TFCP2L1: variants seen among roughly 807,000 people sequenced by gnomAD.
TFCP2L1 encodes transcription factor CP2 like 1, also known as transcription factor CP2-like protein 1.
A neutral mutation model predicts 72.2 loss-of-function variants in TFCP2L1; 12 were observed. The observed-to-expected ratio is 0.17, with a 90% confidence interval of 0.11 to 0.27. The LOEUF (loss-of-function observed/expected upper bound fraction) is 0.27, where lower values mean the gene tolerates loss of function less well. Among genes scored for constraint, TFCP2L1 ranks in the 10% least tolerant of loss-of-function variants. The probability of loss-of-function intolerance (pLI) is 1.00; values close to 1 mark genes in which losing one functional copy is unlikely to be tolerated. For missense variants in TFCP2L1, 488 were observed against 624.6 expected, an observed-to-expected ratio of 0.78 and a Z score of 2.33; for synonymous variants, 260 against 251.0, an observed-to-expected ratio of 1.04 and a Z score of -0.34.
chr2:121,276,788 G>T (rs1001652168), intron 2 of TFCP2L1, among the ~76,000 whole-genome samples: 2 of 152,042 alleles, frequency 1.3e-5, no homozygotes, highest in Non-Finnish European at 2.9e-5. Context: ...TTCAGTAAGT[G>T]TTAAAATTTA....
rs567590544 is a variant in TFCP2L1 at position 121,226,073 on chromosome 2, C to T, written c.1342-460G>A. ...ACCACTGCCACGGTGTCTACACACA[C>T]GGGAACACGGTAAACACCACTGCCA... On this transcript the variant is annotated intron_variant, in intron 13 of 14. Coordinates refer to ENST00000263707, the MANE Select transcript of TFCP2L1 (RefSeq NM_014553.3). 2.8e-5 allele frequency among the ~76,000 whole-genome samples: 4 copies of T among 145,078 alleles called. No individual in the cohort carries two copies. In the East Asian group the frequency reaches 6.1e-4, roughly 22 times the overall value.
chr2:121,280,313 G>C (rs920597630), intron 2 of TFCP2L1, among the ~76,000 whole-genome samples: 1 of 152,168 alleles, frequency 6.6e-6, no homozygotes, highest in African/African-American at 2.4e-5. Context: ...TCACCACAGA[G>C]GACTTTTGTC....
Position 121,224,054 on chromosome 2 carries a change from T to C in TFCP2L1, c.*287A>G. On this transcript the variant is annotated 3_prime_UTR_variant, in exon 15 of 15. Transcript: ENST00000263707. Reference sequence around the variant, plus strand: ...GGGATTTCAGAGCAGACGTCTCCACTGTTTGCCCTTTTAGAACGTCAGGGT... The same window carrying C: ...GGGATTTCAGAGCAGACGTCTCCACCGTTTGCCCTTTTAGAACGTCAGGGT... The C allele has an allele frequency of 2.0e-6, 1 of 490,104 alleles. No individual in the cohort carries two copies. The highest frequency in any genetic ancestry group is 3.7e-6 in the Non-Finnish European group (1 of 272,648). 30.4% of individuals were successfully genotyped at this position (490,104 alleles called of 1,614,324 possible). A position where few individuals can be genotyped will look rare whatever the true frequency, so the allele number is the denominator to read the frequency against.
rs2104648051 is a variant in TFCP2L1, at chr2:121,222,069, C to T, written c.*2272G>A. ...AGGAAAAGACACTCAGCATCAGTTG[C>T]CATCAGGGGAATGCAAATCAAAACC... On this transcript the variant is annotated 3_prime_UTR_variant, in exon 15 of 15. Coordinates refer to ENST00000263707, the MANE Select transcript of TFCP2L1 (RefSeq NM_014553.3). 6.6e-6 allele frequency: 1 copy of T among 152,284 alleles called. No individual in the cohort carries two copies. Among genetic ancestry groups the T allele is most frequent in the Admixed American group, 6.5e-5 (1 of 15,302 alleles). 9.4% of individuals were successfully genotyped at this position (152,284 alleles called of 1,614,324 possible).
intron 8 of TFCP2L1, 33 bp downstream of exon 8, chr2:121,239,525 C>T (rs1558731523): frequency 2.5e-6 from 4 of 1,610,822 alleles, no homozygotes; most frequent in Admixed American, 3.3e-5. Flanking sequence ...GCCTTCATTT[C>T]AGGGAACCCG....
chr2:121,252,693 A>AGATCCCCCAG (rs1396381485), intron 2 of TFCP2L1, among the ~76,000 whole-genome samples: 1 of 152,110 alleles, frequency 6.6e-6, no homozygotes, highest in Non-Finnish European at 1.5e-5. Context: ...AGTCTCCCCA[A>AGATCCCCCAG]GATCCCCCAG....
chr2:121,274,166 T>A (rs1052389233), intron 2 of TFCP2L1, among the ~76,000 whole-genome samples: 3 of 151,938 alleles, frequency 2.0e-5, no homozygotes, highest in Non-Finnish European at 4.4e-5. Context: ...AATAAGCTAC[T>A]TAAATGAGGT....
At chr2:121,264,790 AC>A (rs1157989959) in intron 2 of TFCP2L1, among the ~76,000 whole-genome samples, 3 of 152,204 alleles carry the variant, frequency 2.0e-5, no homozygotes, top group Non-Finnish European at 2.9e-5. Flanking sequence ...CCAGTCTGTT[AC>A]CCATACCCTC....
chr2:121,256,238 C>T (rs112397220), intron 2 of TFCP2L1, among the ~76,000 whole-genome samples: 146 of 152,260 alleles, frequency 9.6e-4, no homozygotes, highest in Non-Finnish European at 1.9e-3. Context: ...TACACTAGTC[C>T]CCCTGAAACA....
At chr2:121,225,296 C>A (rs1686006549) in intron 14 of TFCP2L1, among the ~76,000 whole-genome samples, 1 of 152,156 alleles carries the variant, frequency 6.6e-6, no homozygotes, top group Non-Finnish European at 1.5e-5. Flanking sequence ...TCCCGGAGGA[C>A]CCCAGGAAAC....
At chr2:121,227,720 T>TACACACACACACAC (rs144192362) in intron 13 of TFCP2L1, among the ~76,000 whole-genome samples, 4,483 of 147,300 alleles carry the variant, frequency 0.03, 89 homozygotes, top group Middle Eastern at 0.055. Flanking sequence ...AAACATACAA[T>TACACACACACACAC]ACACACACAC....
In TFCP2L1 at chr2:121,285,121, C is replaced by T; in HGVS notation, c.-12G>A. On this transcript the variant is annotated 5_prime_UTR_variant, in exon 1 of 15. Coordinates refer to ENST00000263707, the MANE Select transcript of TFCP2L1 (RefSeq NM_014553.3). ...TGCCAGAAGAGCATGGCTGGAACTC[C>T]CAGCGCGCCGACCGGGGCGCGGCAG... 6.7e-7 allele frequency: 1 copy of T among 1,491,692 alleles called. No homozygotes were observed. 92.4% of individuals were successfully genotyped at this position (1,491,692 alleles called of 1,614,324 possible).
intron 5 of TFCP2L1, among the ~76,000 whole-genome samples, chr2:121,247,512 T>C (rs541662706): frequency 4.1e-4 from 61 of 150,088 alleles, no homozygotes; most frequent in African/African-American, 1.4e-3. Flanking sequence ...ATAATAACAA[T>C]GTAATAATTT....
chr2:121,235,574 CT>C (rs34634906), intron 10 of TFCP2L1, among the ~76,000 whole-genome samples: 62,800 of 118,664 alleles, frequency 0.53, 16,700 homozygotes, highest in East Asian at 0.77. Context: ...TTCTTTCTTT[CT>C]TTTTTTTTTT....
rs1177689324 is a variant in TFCP2L1, at chr2:121,222,217, C to T, written c.*2124G>A. The T allele has an allele frequency of 6.6e-6, 1 of 152,202 alleles. No homozygotes were observed. Among genetic ancestry groups the T allele is most frequent in the African/African-American group, 2.4e-5 (1 of 41,452 alleles). 9.4% of individuals were successfully genotyped at this position (152,202 alleles called of 1,614,324 possible). A position where few individuals can be genotyped will look rare whatever the true frequency, so the allele number is the denominator to read the frequency against. The stretch of plus-strand genomic sequence containing the variant: ...TTGCTGGTGGGAATGTAAAATGGTA[C>T]AGCTGCTATAGAAAACAGTCTGGCA... On this transcript the variant is annotated 3_prime_UTR_variant, in exon 15 of 15. Transcript: ENST00000263707.
At chr2:121,263,060 C>T (rs1686856776) in intron 2 of TFCP2L1, among the ~76,000 whole-genome samples, 1 of 152,020 alleles carries the variant, frequency 6.6e-6, no homozygotes, top group Non-Finnish European at 1.5e-5. Flanking sequence ...CTCAGCCTCC[C>T]AAGTAGCTGG....
intron 12 of TFCP2L1, among the ~76,000 whole-genome samples, chr2:121,232,234 A>T (rs553346758): frequency 6.6e-6 from 1 of 151,898 alleles, no homozygotes; most frequent in South Asian, 2.1e-4. Flanking sequence ...CATCTCCTAG[A>T]TTCAAGTGAT....
chr2:121,284,904 T>C (rs1687335659), intron 1 of TFCP2L1, 144 bp downstream of exon 1: 1 of 689,150 alleles, frequency 1.5e-6, no homozygotes, highest in African/African-American at 1.9e-5. Flanking sequence ...GGCGGGACGC[T>C]GGGCGGGTCT....
chr2:121,224,738 T>C (rs1306142786), intron 14 of TFCP2L1, among the ~76,000 whole-genome samples: 1 of 152,094 alleles, frequency 6.6e-6, no homozygotes, highest in Non-Finnish European at 1.5e-5. Context: ...ATCCCAGCAC[T>C]TTGGGAGGCC....
Sources: allele counts gnomAD v4.1 joint callset (sites outside exome capture counted in the v4.1 genomes callset), GRCh38; gene constraint gnomAD v4.1.1; transcripts MANE v1.5; gene names NCBI Gene and HGNC (gene_info 2026-07-23, HGNC 2026-07-21).